KLHL7: variants seen among roughly 807,000 people sequenced by gnomAD.
The protein encoded by KLHL7 is kelch-like protein 7.
KLHL7 carries 44 observed loss-of-function variants against 67.4 expected under a neutral mutation model. The observed-to-expected ratio is 0.65, with a 90% CI of 0.51 to 0.84. The LOEUF (loss-of-function observed/expected upper bound fraction) is 0.84. Ranked by LOEUF, KLHL7 falls within the 40% of genes least tolerant of loss-of-function variation. The pLI is 0.00. For synonymous variants in KLHL7, 252 were observed against 243.3 expected (o/e 1.04, Z -0.33); for missense variants, 362 against 718.1 (o/e 0.50, Z 5.67).
intron 6 of KLHL7, among the ~76,000 whole-genome samples, chr7:23,146,329 C>T (rs1027408660): frequency 2.6e-5 from 4 of 152,212 alleles, no homozygotes; most frequent in Non-Finnish European, 5.9e-5. Flanking sequence ...TCTCCTGGCA[C>T]AACCATTTAG....
chr7:23,127,951 A>C (rs1783637962), intron 4 of KLHL7, among the ~76,000 whole-genome samples: 1 of 151,730 alleles, frequency 6.6e-6, no homozygotes, highest in African/African-American at 2.4e-5. Context: ...CTGTAAGGCA[A>C]ATTTAATGTG....
chr7:23,113,381 T>C (rs1015211138), intron 1 of KLHL7, among the ~76,000 whole-genome samples: 1 of 152,226 alleles, frequency 6.6e-6, no homozygotes, highest in African/African-American at 2.4e-5. Flanking sequence ...GTCACAGTCT[T>C]AACTTTCAAT....
intron 1 of KLHL7, among the ~76,000 whole-genome samples, chr7:23,123,155 C>G (rs1044366718): frequency 6.6e-6 from 1 of 152,150 alleles, no homozygotes; most frequent in Admixed American, 6.5e-5. Context: ...GGTCAGAAAT[C>G]AGAATTTAAA....
chr7:23,150,020 A>G (rs1337486748), intron 6 of KLHL7, among the ~76,000 whole-genome samples: 2 of 152,278 alleles, frequency 1.3e-5, no homozygotes, highest in East Asian at 1.9e-4. Flanking sequence ...TGGGCCAGGC[A>G]TGCTGTTTCA....
rs1401364111 is a variant in KLHL7 at position 23,177,411 on chromosome 7, C to T, written c.*3113C>T. 1 of 152,184 alleles carries T rather than the reference C, an allele frequency of 6.6e-6. No homozygotes were observed. Among genetic ancestry groups the T allele is most frequent in the African/African-American group, 2.4e-5 (1 of 41,448 alleles). The allele number at this position is 152,184 out of a possible 1,614,324, so 9.4% of individuals were successfully genotyped here. ...TGACTAGAACACACTATAGTAAATA[C>T]ATACACAGGTTTGATGTGGATTATA... On this transcript the variant is annotated 3_prime_UTR_variant, in exon 11 of 11. Coordinates refer to ENST00000339077, the MANE Select transcript of KLHL7 (RefSeq NM_001031710.3).
At chr7:23,166,840 T>C (rs936782238) in intron 8 of KLHL7, among the ~76,000 whole-genome samples, 3 of 152,174 alleles carry the variant, frequency 2.0e-5, no homozygotes, top group African/African-American at 7.2e-5. Flanking sequence ...TTGCTAAGTG[T>C]GTTTTTAGCT....
chr7:23,106,307 A>G, intron 1 of KLHL7, 161 bp downstream of exon 1: 9 of 1,489,268 alleles, frequency 6.0e-6, no homozygotes, highest in Non-Finnish European at 8.0e-6. Context: ...CAGTTGGTAG[A>G]GGGGCGCGTA....
intron 8 of KLHL7, among the ~76,000 whole-genome samples, chr7:23,167,139 A>G (rs373082604): frequency 1.3e-5 from 2 of 151,056 alleles, no homozygotes; most frequent in African/African-American, 4.9e-5. Context: ...TTGGGAAGGA[A>G]AAAAAAAAGC....
intron 6 of KLHL7, among the ~76,000 whole-genome samples, chr7:23,151,418 T>G (rs1377894061): frequency 6.6e-6 from 1 of 152,226 alleles, no homozygotes; most frequent in African/African-American, 2.4e-5. Context: ...ACAGTAGTTC[T>G]GACCTTATTG....
intron 7 of KLHL7, among the ~76,000 whole-genome samples, chr7:23,163,803 T>C (rs1562589961): frequency 6.6e-6 from 1 of 152,178 alleles, no homozygotes. Context: ...TTTTCCAGGC[T>C]TTCCAATTTT....
At chr7:23,127,749 C>T (rs528743780) in intron 4 of KLHL7, among the ~76,000 whole-genome samples, 7 of 152,188 alleles carry the variant, frequency 4.6e-5, no homozygotes, top group Non-Finnish European at 1.0e-4. Context: ...TGGCACACAC[C>T]TGTAGTCCCA....
chr7:23,149,924 C>T (rs1444799359), intron 6 of KLHL7, among the ~76,000 whole-genome samples: 1 of 152,170 alleles, frequency 6.6e-6, no homozygotes, highest in Non-Finnish European at 1.5e-5. Flanking sequence ...CAACTATTCT[C>T]CAAATGAGTT....
At chr7:23,136,817 C>T (rs1783993723) in intron 4 of KLHL7, among the ~76,000 whole-genome samples, 1 of 151,996 alleles carries the variant, frequency 6.6e-6, no homozygotes, top group African/African-American at 2.4e-5. Context: ...GCAATAAGCA[C>T]ACAATAAACT....
chr7:23,152,269 C>T (rs1784560849), intron 7 of KLHL7, 60 bp downstream of exon 7: 14 of 1,472,870 alleles, frequency 9.5e-6, no homozygotes, highest in African/African-American at 4.2e-5. Context: ...ACACATAAGA[C>T]ACTCACCAAC....
intron 1 of KLHL7, among the ~76,000 whole-genome samples, chr7:23,120,791 C>G (rs2128459191): frequency 6.6e-6 from 1 of 152,272 alleles, no homozygotes. Context: ...GCCGTGAACT[C>G]CTGGTTTCAA....
chr7:23,152,265 A>G (rs1784560759), intron 7 of KLHL7, 56 bp downstream of exon 7: 1 of 1,518,880 alleles, frequency 6.6e-7, no homozygotes, highest in Non-Finnish European at 9.1e-7. Context: ...CTGAACACAT[A>G]AGACACTCAC....
chr7:23,162,203 G>T (rs370836318), intron 7 of KLHL7, among the ~76,000 whole-genome samples: 1 of 152,208 alleles, frequency 6.6e-6, no homozygotes, highest in Non-Finnish European at 1.5e-5. Flanking sequence ...TTTGGAGTCA[G>T]ATGGATTTAG....
chr7:23,144,486 G>A (rs79474545), intron 6 of KLHL7, among the ~76,000 whole-genome samples: 3,963 of 152,188 alleles, frequency 0.026, 177 homozygotes, highest in African/African-American at 0.09. Flanking sequence ...TAATAAAATT[G>A]TCTATACAAT....
intron 2 of KLHL7, 51 bp downstream of exon 2, chr7:23,123,930 TAA>T: frequency 8.1e-7 from 1 of 1,228,254 alleles, no homozygotes; most frequent in Non-Finnish European, 1.2e-6. Context: ...GAGAATGAAG[TAA>T]AATCTAAAAG....
Sources: allele counts gnomAD v4.1 joint callset (sites outside exome capture counted in the v4.1 genomes callset), GRCh38; gene constraint gnomAD v4.1.1; transcripts MANE v1.5; gene names NCBI Gene and HGNC (gene_info 2026-07-23, HGNC 2026-07-21).